Variants in SULF2 observed in about 807,000 individuals in gnomAD.
SULF2 encodes the protein sulfatase 2.
A neutral mutation model predicts 107.7 loss-of-function variants in SULF2; 52 were observed. That is an observed-to-expected ratio of 0.48 (90% CI 0.39 to 0.61). SULF2 has a LOEUF of 0.61. SULF2 is among the 20% of genes least tolerant of loss of function. The pLI is 0.00. For synonymous variants in SULF2, 460 were observed against 464.3 expected (o/e 0.99, Z 0.12); for missense variants, 993 against 1,177.3 (o/e 0.84, Z 2.29).
chr20:47,748,474 C>T (rs1325688565), intron 2 of SULF2, among the ~76,000 whole-genome samples: 1 of 152,238 alleles, frequency 6.6e-6, no homozygotes, highest in Non-Finnish European at 1.5e-5. Context: ...CCTTCTTCCT[C>T]TGATCAGGCT....
chr20:47,701,875 G>A (rs2088581462), intron 4 of SULF2, among the ~76,000 whole-genome samples: 1 of 152,134 alleles, frequency 6.6e-6, no homozygotes, highest in South Asian at 2.1e-4. Context: ...GACTGCTGCG[G>A]GCGGTGGTGA....
intron 1 of SULF2, among the ~76,000 whole-genome samples, chr20:47,779,266 T>C (rs1426616320): frequency 6.6e-6 from 1 of 152,206 alleles, no homozygotes; most frequent in African/African-American, 2.4e-5. Flanking sequence ...CCTTCCCCAG[T>C]TGGGACAACC....
chr20:47,731,523 G>A (rs1289272053), intron 3 of SULF2, among the ~76,000 whole-genome samples: 16 of 151,962 alleles, frequency 1.1e-4, no homozygotes, highest in Non-Finnish European at 1.5e-5. Context: ...CAATGTTTTT[G>A]AAGCCAGCTG....
chr20:47,757,501 A>G (rs768269528), intron 1 of SULF2, 38 bp from the exon 2 acceptor site: 890 of 1,014,976 alleles, frequency 8.8e-4, no homozygotes, highest in Non-Finnish European at 1.0e-3. Context: ...TATTTATGTC[A>G]AGGCTGCCGG....
intron 1 of SULF2, among the ~76,000 whole-genome samples, chr20:47,777,429 A>G (rs373913854): frequency 6.6e-6 from 1 of 152,212 alleles, no homozygotes; most frequent in Non-Finnish European, 1.5e-5. Context: ...TGGCAGCCAT[A>G]TTGAGACTAT....
chr20:47,748,839 C>T (rs965665774), intron 2 of SULF2, among the ~76,000 whole-genome samples: 1 of 152,152 alleles, frequency 6.6e-6, no homozygotes, highest in African/African-American at 2.4e-5. Context: ...GCTAATTAGC[C>T]TGGGGCACTG....
At chr20:47,706,274 C>T (rs2088734336) in intron 3 of SULF2, among the ~76,000 whole-genome samples, 1 of 152,148 alleles carries the variant, frequency 6.6e-6, no homozygotes, top group Non-Finnish European at 1.5e-5. Flanking sequence ...TAACGCTGCC[C>T]TCCATGCGGG....
At chr20:47,682,967 T>A in intron 7 of SULF2, 27 bp downstream of exon 7, 2 of 1,563,324 alleles carry the variant, frequency 1.3e-6, no homozygotes, top group Middle Eastern at 3.4e-4. Context: ...GGGGCCTCCC[T>A]GGGTCCCTGG....
In SULF2 at chr20:47,736,688, C is replaced by T. The variant is rs543475935; in HGVS notation, c.415+15G>A. The T allele has an allele frequency of 6.2e-7, 1 of 1,614,026 alleles. No individual in the cohort carries two copies. Among genetic ancestry groups the T allele is most frequent in the African/African-American group, 1.3e-5 (1 of 75,048 alleles). On this transcript the variant is annotated intron_variant, in intron 3 of 20. Transcript: ENST00000688720. ...CTGTCACTCCCTTCCTGCACCTGCC[C>T]CCGTCCCTGCTCACCTGTCCGGTAG... is the stretch of plus-strand genomic sequence containing the variant.
intron 8 of SULF2, among the ~76,000 whole-genome samples, chr20:47,677,557 G>A (rs1445582907): frequency 6.6e-6 from 1 of 152,144 alleles, no homozygotes; most frequent in Non-Finnish European, 1.5e-5. Context: ...GGCGTCTTGA[G>A]CTCTGTCTTG....
intron 3 of SULF2, among the ~76,000 whole-genome samples, chr20:47,715,515 C>A (rs1009737304): frequency 1.3e-5 from 2 of 151,814 alleles, no homozygotes; most frequent in Non-Finnish European, 2.9e-5. Flanking sequence ...AATGGGTAAA[C>A]AACTGAACCA....
intron 2 of SULF2, among the ~76,000 whole-genome samples, chr20:47,750,038 G>T (rs1049530404): frequency 2.0e-5 from 3 of 152,230 alleles, no homozygotes; most frequent in African/African-American, 7.2e-5. Context: ...CTGGAGTGCA[G>T]TGGCGCGATC....
chr20:47,663,716 G>T, intron 15 of SULF2, 94 bp from the exon 16 acceptor site: 1 of 1,395,394 alleles, frequency 7.2e-7, no homozygotes, highest in Non-Finnish European at 9.6e-7. Flanking sequence ...GCTTCGCTGA[G>T]GCTTCTCCAA....
chr20:47,670,663 ATGGGGTGACAG>A, intron 11 of SULF2, among the ~76,000 whole-genome samples: 1 of 782 alleles, frequency 1.3e-3, no homozygotes, highest in Non-Finnish European at 2.5e-3. Context: ...GGGTGGGAGA[ATGGGGTGACAG>A]CAGGGTGGGA....
intron 1 of SULF2, among the ~76,000 whole-genome samples, chr20:47,783,508 C>T (rs1036112117): frequency 3.3e-5 from 5 of 152,230 alleles, no homozygotes; most frequent in East Asian, 1.9e-4. Flanking sequence ...GGGACATGCA[C>T]GTGCATGCAC....
At chr20:47,729,986 GA>G (rs2089551175) in intron 3 of SULF2, among the ~76,000 whole-genome samples, 1 of 152,250 alleles carries the variant, frequency 6.6e-6, no homozygotes, top group Non-Finnish European at 1.5e-5. Flanking sequence ...TCCTGTGTGA[GA>G]GGGCGATGGG....
chr20:47,669,198 C>A (rs1230620970), intron 11 of SULF2, among the ~76,000 whole-genome samples: 2 of 152,092 alleles, frequency 1.3e-5, no homozygotes, highest in Non-Finnish European at 2.9e-5. Context: ...TGAATGAACC[C>A]CAGTCAGCTG....
chr20:47,717,196 C>G (rs958571027), intron 3 of SULF2, among the ~76,000 whole-genome samples: 3 of 152,200 alleles, frequency 2.0e-5, no homozygotes, highest in Non-Finnish European at 4.4e-5. Flanking sequence ...GATCCTGGGA[C>G]CACGCTTTGA....
intron 11 of SULF2, among the ~76,000 whole-genome samples, chr20:47,670,727 A>G (rs1388630442): frequency 2.3e-4 from 26 of 110,948 alleles, no homozygotes; most frequent in South Asian, 9.3e-4. Flanking sequence ...GCGGGGTGGG[A>G]GAATGGGGAG....
Sources: gnomAD v4.1 joint callset for allele counts (sites outside exome capture counted in the v4.1 genomes callset) on GRCh38, gnomAD v4.1.1 for gene constraint, MANE v1.5 for transcripts, NCBI Gene and HGNC (gene_info 2026-07-23, HGNC 2026-07-21) for gene names.